Variants in KCNIP4 observed in about 807,000 individuals in gnomAD.
KCNIP4 encodes Kv channel-interacting protein 4.
A neutral mutation model predicts 34.0 loss-of-function variants in KCNIP4; 12 were observed. That is an observed-to-expected ratio of 0.35 (90% CI 0.23 to 0.57). KCNIP4 has a LOEUF of 0.57. KCNIP4 is among the 20% of genes least tolerant of loss of function. The probability of loss-of-function intolerance (pLI) is 0.83; values close to 1 mark genes in which losing one functional copy is unlikely to be tolerated. For synonymous variants in KCNIP4, 124 were observed against 102.2 expected (o/e 1.21, Z -1.29); for missense variants, 238 against 311.7 (o/e 0.76, Z 1.78).
intron 5 of KCNIP4, among the ~76,000 whole-genome samples, chr4:20,739,939 T>C (rs1480400117): frequency 6.6e-6 from 1 of 152,120 alleles, no homozygotes; most frequent in Non-Finnish European, 1.5e-5. Flanking sequence ...AAGAACTATC[T>C]GATGCATTCA....
At chr4:21,440,981 A>G (rs888751892) in intron 1 of KCNIP4, among the ~76,000 whole-genome samples, 8 of 152,202 alleles carry the variant, frequency 5.3e-5, no homozygotes, top group African/African-American at 1.9e-4. Context: ...ATATGCAATC[A>G]GTACCAAAGG....
At chr4:21,042,323 G>A (rs1290917043) in intron 1 of KCNIP4, among the ~76,000 whole-genome samples, 1 of 152,162 alleles carries the variant, frequency 6.6e-6, no homozygotes, top group East Asian at 1.9e-4. Flanking sequence ...AATAAAATTT[G>A]GTCTATATAC....
rs1577299806 is a variant in KCNIP4 at position 20,877,168 on chromosome 4, C to T, written c.163+5440G>A. Among the ~76,000 whole-genome samples, 5 of 152,282 alleles carry T rather than the reference C, an allele frequency of 3.3e-5. 1 individual carries two copies. In the East Asian group the frequency reaches 9.7e-4, roughly 29 times the overall value. ...TTGTGGTACTTATCATCTGGGCTCG[C>T]TCTTTGGTGAGTTGACAATAGCTGC... is the stretch of plus-strand genomic sequence containing the variant. On this transcript the variant is annotated intron_variant, in intron 2 of 8. Coordinates refer to ENST00000382152, the MANE Select transcript of KCNIP4 (RefSeq NM_025221.6).
intron 1 of KCNIP4, among the ~76,000 whole-genome samples, chr4:21,486,700 A>G (rs1731945963): frequency 6.6e-6 from 1 of 152,204 alleles, no homozygotes; most frequent in South Asian, 2.1e-4. Context: ...TTATGTTTCT[A>G]TAAAAATTGC....
At chr4:21,470,853 A>G (rs1730408246) in intron 1 of KCNIP4, among the ~76,000 whole-genome samples, 1 of 152,174 alleles carries the variant, frequency 6.6e-6, no homozygotes, top group African/African-American at 2.4e-5. Context: ...TTGAAAACCT[A>G]AAATCATTAG....
intron 1 of KCNIP4, among the ~76,000 whole-genome samples, chr4:21,075,021 G>A (rs1460247766): frequency 6.6e-6 from 1 of 152,130 alleles, no homozygotes; most frequent in Non-Finnish European, 1.5e-5. Context: ...TACAATTTCT[G>A]TTCTTTTACA....
intron 1 of KCNIP4, among the ~76,000 whole-genome samples, chr4:20,897,441 C>T (rs542073532): frequency 6.6e-6 from 1 of 152,144 alleles, no homozygotes; most frequent in African/African-American, 2.4e-5. Flanking sequence ...CACGAAACTA[C>T]TTCCTATTCT....
chr4:21,755,006 G>GT (rs1717406825), intron 1 of KCNIP4, among the ~76,000 whole-genome samples: 2 of 152,156 alleles, frequency 1.3e-5, no homozygotes, highest in Non-Finnish European at 1.5e-5. Context: ...AATTAGCCAG[G>GT]CATGGTCATG....
At chr4:20,954,565 C>A (rs908368172) in intron 1 of KCNIP4, among the ~76,000 whole-genome samples, 3 of 152,080 alleles carry the variant, frequency 2.0e-5, no homozygotes, top group African/African-American at 7.2e-5. Flanking sequence ...GAAACAACAA[C>A]AAGAGTGCCA....
intron 1 of KCNIP4, among the ~76,000 whole-genome samples, chr4:21,591,068 T>TA (rs937532094): frequency 3.3e-5 from 5 of 151,484 alleles, no homozygotes; most frequent in Non-Finnish European, 7.4e-5. Context: ...AAAGAAAAGC[T>TA]AAAAAAAATT....
At chr4:21,007,880 T>C (rs11939719) in intron 1 of KCNIP4, among the ~76,000 whole-genome samples, 2,423 of 152,314 alleles carry the variant, frequency 0.016, 70 homozygotes, top group African/African-American at 0.055. Flanking sequence ...TTCTGTAAAC[T>C]TTAGTTAAAC....
Position 20,842,581 on chromosome 4 carries a change from CAAAAAAAAAAAAA to C in KCNIP4, c.288+7949_288+7961del, listed in dbSNP as rs59134256. Among the ~76,000 whole-genome samples, 14 of 69,692 alleles carry C rather than the reference CAAAAAAAAAAAAA, an allele frequency of 2.0e-4. 1 individual carries two copies. The highest frequency in any genetic ancestry group is 1.3e-3 in the East Asian group (2 of 1,502). The allele number at this position is 69,692 out of a possible 152,430, so 45.7% of individuals were successfully genotyped here. ...GGCAATTGAGTCTCTCTTCTAATGG[CAAAAAAAAAAAAA>C]AAAAAAAAAAAAAAAAGCCAGCAAT... On this transcript the variant is annotated intron_variant, in intron 3 of 8. Transcript: ENST00000382152.
chr4:21,319,207 C>T (rs1351056418), intron 1 of KCNIP4, among the ~76,000 whole-genome samples: 1 of 152,180 alleles, frequency 6.6e-6, no homozygotes, highest in African/African-American at 2.4e-5. Flanking sequence ...CAAGGTCTAC[C>T]AGGCATGGCT....
chr4:21,586,430 T>TC (rs1254978508), intron 1 of KCNIP4, among the ~76,000 whole-genome samples: 1 of 151,966 alleles, frequency 6.6e-6, no homozygotes, highest in Non-Finnish European at 1.5e-5. Flanking sequence ...TACACTTGCC[T>TC]CCCCCAGTGT....
intron 1 of KCNIP4, among the ~76,000 whole-genome samples, chr4:21,368,803 C>CTAGTTA (rs1169057999): frequency 2.0e-5 from 3 of 147,564 alleles, no homozygotes; most frequent in Non-Finnish European, 2.9e-5. Flanking sequence ...GGATATAATT[C>CTAGTTA]TAGTTACTGT....
At chr4:20,856,521 T>A (rs1721595574) in intron 2 of KCNIP4, among the ~76,000 whole-genome samples, 1 of 152,162 alleles carries the variant, frequency 6.6e-6, no homozygotes, top group Admixed American at 6.6e-5. Context: ...CATTGTGAGT[T>A]TTTTTTGCAG....
intron 1 of KCNIP4, among the ~76,000 whole-genome samples, chr4:20,942,491 C>G (rs1353122030): frequency 6.6e-6 from 1 of 152,074 alleles, no homozygotes; most frequent in Non-Finnish European, 1.5e-5. Context: ...ATAATAAGCA[C>G]CAGGTGGTTT....
intron 1 of KCNIP4, among the ~76,000 whole-genome samples, chr4:21,448,546 C>T (rs926726515): frequency 8.6e-5 from 13 of 151,852 alleles, no homozygotes; most frequent in Admixed American, 2.6e-4. Flanking sequence ...TATAGTAAAA[C>T]GAGAGAAGAA....
At chr4:21,848,707 A>G (rs1166804527) in intron 1 of KCNIP4, 1 of 152,056 alleles carries the variant, frequency 6.6e-6, no homozygotes. Context: ...GGTAAACATT[A>G]TGGGTTAGAT....
Sources: allele counts gnomAD v4.1 joint callset (sites outside exome capture counted in the v4.1 genomes callset), GRCh38; gene constraint gnomAD v4.1.1; transcripts MANE v1.5; gene names NCBI Gene and HGNC (gene_info 2026-07-23, HGNC 2026-07-21).